Variants in SASH1 observed in about 807,000 individuals in gnomAD.
SASH1 encodes SAM and SH3 domain-containing protein 1.
SASH1 carries 44 observed loss-of-function variants against 125.2 expected under a neutral mutation model. That is an observed-to-expected ratio of 0.35 (90% CI 0.28 to 0.45). The LOEUF (loss-of-function observed/expected upper bound fraction) is 0.45. Ranked by LOEUF, SASH1 falls within the 20% of genes least tolerant of loss-of-function variation. The probability of loss-of-function intolerance (pLI) is 1.00; values close to 1 mark genes in which losing one functional copy is unlikely to be tolerated. For synonymous variants in SASH1, 639 were observed against 649.1 expected (o/e 0.98, Z 0.24); for missense variants, 1,426 against 1,614.5 (o/e 0.88, Z 2.00).
chr6:148,446,088 C>CTTTTTTTTTT (rs576798745), intron 4 of SASH1, among the ~76,000 whole-genome samples: 3 of 71,012 alleles, frequency 4.2e-5, no homozygotes, highest in Admixed American at 2.0e-4. Context: ...ACATAGGGTT[C>CTTTTTTTTTT]TTTTTTTTTT....
chr6:148,503,750 C>T (rs943551011), intron 8 of SASH1, among the ~76,000 whole-genome samples: 2 of 121,744 alleles, frequency 1.6e-5, no homozygotes, highest in African/African-American at 6.1e-5. Context: ...TCAAAGATAA[C>T]CCTTTCTTGT....
At chr6:148,316,474 A>G (rs555383997) in intron 1 of SASH1, among the ~76,000 whole-genome samples, 1 of 152,370 alleles carries the variant, frequency 6.6e-6, no homozygotes, top group Admixed American at 6.5e-5. Flanking sequence ...GAGCATAGAT[A>G]TATGTCACAC....
Position 148,530,551 on chromosome 6 carries a change from C to T in SASH1, c.1429-975C>T, listed in dbSNP as rs193024984. Among the ~76,000 whole-genome samples the T allele has an allele frequency of 9.2e-5, 14 of 152,260 alleles. No individual in the cohort carries two copies. In the East Asian group the frequency reaches 2.5e-3, roughly 27 times the overall value. On this transcript the variant is annotated intron_variant, in intron 12 of 19. Transcript: ENST00000367467. Reference sequence around the variant, plus strand: ...ATCAGAAGCTGCTGTTGCTGATGTCCTCAGATGTTTGCAGGACCTGCGGAG... The same window carrying T: ...ATCAGAAGCTGCTGTTGCTGATGTCTTCAGATGTTTGCAGGACCTGCGGAG...
At chr6:148,336,768 A>G (rs1582982146) in intron 1 of SASH1, among the ~76,000 whole-genome samples, 1 of 152,122 alleles carries the variant, frequency 6.6e-6, no homozygotes. Flanking sequence ...GTTGAGCTTA[A>G]GTTCTGTTTT....
chr6:148,375,047 A>G (rs780562934), intron 1 of SASH1, among the ~76,000 whole-genome samples: 1 of 150,400 alleles, frequency 6.6e-6, no homozygotes, highest in African/African-American at 2.5e-5. Flanking sequence ...CTGGAGTGCA[A>G]TGGCTCAATG....
chr6:148,288,873 A>G (rs13194824), intron 1 of SASH1, among the ~76,000 whole-genome samples: 67,194 of 152,146 alleles, frequency 0.44, 15,828 homozygotes, highest in Non-Finnish European at 0.52. Flanking sequence ...TGGTTACCAG[A>G]CAAGACTGGC....
the SASH1 span, among the ~76,000 whole-genome samples, chr6:148,200,110 A>G: frequency 6.6e-6 from 1 of 152,334 alleles, no homozygotes; most frequent in African/African-American, 2.4e-5. Context: ...TCCTTTGATT[A>G]TACTTTGTTG....
intron 2 of SASH1, among the ~76,000 whole-genome samples, chr6:148,412,781 A>G (rs1470452642): frequency 1.3e-5 from 2 of 152,182 alleles, no homozygotes; most frequent in East Asian, 3.8e-4. Flanking sequence ...TCACATTTCA[A>G]TATGAGATTT....
At chr6:148,537,555 A>G (rs533723745) in intron 16 of SASH1, among the ~76,000 whole-genome samples, 1 of 151,006 alleles carries the variant, frequency 6.6e-6, no homozygotes, top group South Asian at 2.1e-4. Flanking sequence ...AAGAAAACAA[A>G]CAAACATATG....
In SASH1 at chr6:148,500,097, C is replaced by T. The variant is rs552133870; in HGVS notation, c.729+12382C>T. Reference sequence around the variant, plus strand: ...CTTCTTCTTTTCCCCCTCTCTTTGCCGTAGTTTGTTTGTATAGTTGTCATG... The same window carrying T: ...CTTCTTCTTTTCCCCCTCTCTTTGCTGTAGTTTGTTTGTATAGTTGTCATG... On this transcript the variant is annotated intron_variant, in intron 8 of 19. Transcript: ENST00000367467. 1.2e-4 allele frequency among the ~76,000 whole-genome samples: 19 copies of T among 152,100 alleles called. No individual in the cohort carries two copies. The East Asian group carries it at 1.9e-3, about 15-fold the overall frequency.
the SASH1 span, among the ~76,000 whole-genome samples, chr6:148,244,936 G>GTA: frequency 2.6e-5 from 3 of 114,936 alleles, no homozygotes; most frequent in Admixed American, 8.4e-5. Flanking sequence ...GTGTGTATGT[G>GTA]TGTGTGTGTG....
chr6:148,493,328 C>G (rs554414036), intron 8 of SASH1, among the ~76,000 whole-genome samples: 17 of 152,292 alleles, frequency 1.1e-4, no homozygotes, highest in African/African-American at 4.1e-4. Context: ...AAGAGTTGGC[C>G]AGAAACCCCA....
Position 148,543,731 on chromosome 6 carries a change from G to C in SASH1, c.2261G>C (p.Ser754Thr). The C allele has an allele frequency of 1.9e-6, 3 of 1,592,308 alleles. No homozygotes were observed. The highest frequency in any genetic ancestry group is 2.6e-6 in the Non-Finnish European group (3 of 1,166,300). Reference protein sequence around the residue: ...LLSAKSSTEPSLKSFSRNQLG... With the variant: ...LLSAKSSTEPTLKSFSRNQLG... ...TCTGCCAAGTCATCCACCGAGCCCA[G>C]CTTGAAGTCTTTTAGCAGAAACCAG... is the stretch of plus-strand genomic sequence containing the variant. Residue 754 changes from serine (S) to threonine (T), a missense_variant, in exon 18 of 20, where the codon AGC (serine) becomes ACC (threonine). Physicochemically the swap from Ser to Thr is moderately conservative, Grantham distance 58. Around this residue, in one of 3 missense-constraint regions of SASH1, gnomAD observed 634 missense variants for 694.4 expected, o/e 0.91. Coordinates refer to ENST00000367467, the MANE Select transcript of SASH1 (RefSeq NM_015278.5).
At chr6:148,344,037 A>G (rs1466689340) in intron 1 of SASH1, among the ~76,000 whole-genome samples, 2 of 152,210 alleles carry the variant, frequency 1.3e-5, no homozygotes, top group Admixed American at 1.3e-4. Flanking sequence ...ATTATCAGAA[A>G]AGTCTCTAGA....
chr6:148,308,780 A>G (rs528119568), intron 1 of SASH1, among the ~76,000 whole-genome samples: 1 of 151,382 alleles, frequency 6.6e-6, no homozygotes, highest in South Asian at 2.1e-4. Flanking sequence ...GTTCCTTGTC[A>G]GTCCATAAGA....
At chr6:148,194,066 G>A in the SASH1 span, among the ~76,000 whole-genome samples, 1 of 152,288 alleles carries the variant, frequency 6.6e-6, no homozygotes, top group African/African-American at 2.4e-5. Context: ...TAATAAAGGA[G>A]GATTCTAATG....
chr6:148,429,157 C>T (rs1424497598), intron 2 of SASH1, among the ~76,000 whole-genome samples: 1 of 151,952 alleles, frequency 6.6e-6, no homozygotes, highest in Admixed American at 6.6e-5. Flanking sequence ...TGTAACTCTG[C>T]AATCCAAAAG....
chr6:148,390,358 TATCA>T, intron 2 of SASH1, 96 bp downstream of exon 2: 1 of 1,237,268 alleles, frequency 8.1e-7, no homozygotes. Context: ...CTTCCTGGGG[TATCA>T]ATCTGTAGGC....
the SASH1 span, among the ~76,000 whole-genome samples, chr6:148,252,321 C>T: frequency 2.6e-5 from 4 of 152,014 alleles, no homozygotes; most frequent in East Asian, 1.9e-4. Context: ...CTATAACAAG[C>T]GAATTCTGAT....
Sources: gnomAD v4.1 joint callset for allele counts (sites outside exome capture counted in the v4.1 genomes callset) on GRCh38, gnomAD v4.1.1 for gene constraint, gnomAD v4.1.1 regional missense constraint, MANE v1.5 for transcripts, NCBI Gene and HGNC (gene_info 2026-07-23, HGNC 2026-07-21) for gene names.